The following SYT17 variants were observed in gnomAD, a reference collection of about 807,000 sequenced individuals.
SYT17 encodes synaptotagmin-17.
A neutral mutation model predicts 46.7 loss-of-function variants in SYT17; 22 were observed. The observed-to-expected ratio is 0.47, with a 90% CI of 0.34 to 0.67. SYT17 has a LOEUF of 0.67. SYT17 is among the 30% of genes least tolerant of loss of function. SYT17 has a pLI of 0.01. For synonymous variants in SYT17, 251 were observed against 248.4 expected (o/e 1.01, Z -0.10); for missense variants, 519 against 612.8 (o/e 0.85, Z 1.62).
At chr16:19,256,262 C>A (rs1968551453) in intron 7 of SYT17, among the ~76,000 whole-genome samples, 1 of 151,888 alleles carries the variant, frequency 6.6e-6, no homozygotes, top group Non-Finnish European at 1.5e-5. Context: ...CTTGACTGAA[C>A]AGGGAGCCAC....
chr16:19,183,720 C>T lies in SYT17; in HGVS notation c.524C>T (p.Thr175Ile). The T allele has an allele frequency of 6.2e-7, 1 of 1,614,236 alleles. No individual in the cohort carries two copies. Among genetic ancestry groups the T allele is most frequent in the Non-Finnish European group, 8.5e-7 (1 of 1,180,042 alleles). ...AACAGCGACGATGTGGACTCTCTGA[C>T]AGACGAGGAGATCCTGTCCAAGTAC... ...DSNSDDVDSL[T>I]DEEILSKYQL... The change falls in exon 5 of 8, where the codon ACA (threonine) becomes ATA (isoleucine). Residue 175 changes from threonine (T) to isoleucine (I), a missense_variant. Coordinates refer to ENST00000355377, the MANE Select transcript of SYT17 (RefSeq NM_016524.4). This position sits in a 1 kb window ranked among gnomAD's most constrained non-coding sequence, Gnocchi z 5.6.
chr16:19,180,527 C>T lies in SYT17; in HGVS notation c.319C>T (p.Arg107Trp), dbSNP rs780516536. Residue 107 changes from arginine (R) to tryptophan (W), a missense_variant, in exon 4 of 8, where the codon CGG becomes TGG. Arg to Trp is a moderately radical substitution (Grantham distance 101). Coordinates refer to ENST00000355377, the MANE Select transcript of SYT17 (RefSeq NM_016524.4). Reference protein sequence around the residue: ...DTSKSTYSLTRRISSLESRRP... With the variant: ...DTSKSTYSLTWRISSLESRRP... ...ATCCAAGTCTACATACAGCCTGACG[C>T]GGAGGATTTCGAGTAAGTATCTCTG... The T allele has an allele frequency of 1.4e-5, 22 of 1,613,960 alleles. No homozygotes were observed. The highest frequency in any genetic ancestry group is 2.2e-5 in the East Asian group (1 of 44,882).
intron 7 of SYT17, among the ~76,000 whole-genome samples, chr16:19,251,496 T>C (rs554365426): frequency 1.3e-5 from 2 of 152,306 alleles, no homozygotes; most frequent in Admixed American, 1.3e-4. Context: ...AGGTCTGTGG[T>C]GTGTGTCTGA....
chr16:19,174,985 C>T (rs1405952365), intron 3 of SYT17, among the ~76,000 whole-genome samples: 5 of 151,898 alleles, frequency 3.3e-5, no homozygotes, highest in African/African-American at 7.3e-5. Context: ...AAAAATTAGC[C>T]GGATGTGGTG....
At chr16:19,180,586 C>G in intron 4 of SYT17, 47 bp downstream of exon 4, 1 of 1,609,628 alleles carries the variant, frequency 6.2e-7, no homozygotes, top group Non-Finnish European at 8.5e-7. Flanking sequence ...CTGGCTTTCC[C>G]AGACACTCTC....
intron 5 of SYT17, among the ~76,000 whole-genome samples, chr16:19,217,546 T>A (rs1326474351): frequency 1.3e-5 from 2 of 152,234 alleles, no homozygotes; most frequent in African/African-American, 4.8e-5. Flanking sequence ...ATTGTTTTTA[T>A]GAATGAATAA....
chr16:19,243,819 CAA>C (rs760219447), intron 7 of SYT17, among the ~76,000 whole-genome samples: 1,074 of 56,866 alleles, frequency 0.019, 27 homozygotes, highest in Admixed American at 0.076. Context: ...AAAACTCCAT[CAA>C]AAAAAAAAAA....
intron 7 of SYT17, among the ~76,000 whole-genome samples, chr16:19,242,606 C>T (rs1317532097): frequency 6.6e-6 from 1 of 152,082 alleles, no homozygotes; most frequent in South Asian, 2.1e-4. Context: ...CTCACTGCAG[C>T]CTCGACCTCC....
intron 3 of SYT17, 48 bp downstream of exon 3, chr16:19,173,626 T>C (rs745411700): frequency 6.3e-7 from 1 of 1,594,888 alleles, no homozygotes; most frequent in Non-Finnish European, 8.6e-7. Flanking sequence ...TCAAGACTTT[T>C]CCTTTTTAAT....
chr16:19,201,743 A>C (rs1965475528), intron 5 of SYT17, among the ~76,000 whole-genome samples: 1 of 151,566 alleles, frequency 6.6e-6, no homozygotes, highest in African/African-American at 2.4e-5. Context: ...TGGGTAAGGG[A>C]GTAGGCTTTA....
Position 19,168,667 on chromosome 16 carries a change from G to T in SYT17, c.15+6G>T, listed in dbSNP as rs907412498. ...CGAAAATGGCGTACATCCAGGTAGG[G>T]CTGAGGCTGGGGGCAAGGTCCGGGG... is the stretch of plus-strand genomic sequence containing the variant. On this transcript the variant is annotated splice_donor_region_variant and intron_variant, in intron 1 of 7. Transcript: ENST00000355377. This position sits in a 1 kb window ranked among gnomAD's most constrained non-coding sequence, Gnocchi z 6.9. 13 of 1,520,568 alleles carry T rather than the reference G, an allele frequency of 8.5e-6. No homozygotes were observed. Among genetic ancestry groups the T allele is most frequent in the Non-Finnish European group, 1.1e-5 (13 of 1,131,944 alleles). 94.2% of individuals were successfully genotyped at this position (1,520,568 alleles called of 1,614,324 possible).
intron 7 of SYT17, among the ~76,000 whole-genome samples, chr16:19,256,103 A>G (rs1412115254): frequency 6.6e-6 from 1 of 152,338 alleles, no homozygotes; most frequent in South Asian, 2.1e-4. Context: ...TACAAACCTC[A>G]TAGATTTGTT....
At chr16:19,213,254 G>T (rs565477351) in intron 5 of SYT17, among the ~76,000 whole-genome samples, 1 of 152,190 alleles carries the variant, frequency 6.6e-6, no homozygotes, top group African/African-American at 2.4e-5. Flanking sequence ...TATCCCTAAC[G>T]TAGCTTGTCC....
chr16:19,232,071 G>T (rs1052478776), intron 7 of SYT17, among the ~76,000 whole-genome samples: 1 of 152,140 alleles, frequency 6.6e-6, no homozygotes, highest in Admixed American at 6.5e-5. Context: ...CTCCCGCCCC[G>T]GAAGAGAAAT....
At chr16:19,241,979 C>T (rs918697122) in intron 7 of SYT17, among the ~76,000 whole-genome samples, 1 of 151,454 alleles carries the variant, frequency 6.6e-6, no homozygotes, top group Non-Finnish European at 1.5e-5. Context: ...GTCATTATTG[C>T]CCTTTTATGG....
intron 1 of SYT17, chr16:19,170,117 G>A (rs1964024581): frequency 1.3e-5 from 2 of 152,136 alleles, no homozygotes; most frequent in Non-Finnish European, 1.5e-5. Context: ...CCTGTAAAGT[G>A]CCAGATACTA....
At chr16:19,244,896 T>C (rs1967419376) in intron 7 of SYT17, among the ~76,000 whole-genome samples, 1 of 152,194 alleles carries the variant, frequency 6.6e-6, no homozygotes, top group South Asian at 2.1e-4. Flanking sequence ...GCTGAAACTC[T>C]GAAGGAGAGG....
chr16:19,200,259 G>A (rs1230685807), intron 5 of SYT17, among the ~76,000 whole-genome samples: 1 of 152,080 alleles, frequency 6.6e-6, no homozygotes, highest in African/African-American at 2.4e-5. Flanking sequence ...CATATACATG[G>A]GCCCATATAC....
At chr16:19,198,810 A>T (rs369307880) in intron 5 of SYT17, among the ~76,000 whole-genome samples, 1 of 152,268 alleles carries the variant, frequency 6.6e-6, no homozygotes, top group African/African-American at 2.4e-5. Context: ...CCTACTGGTA[A>T]CACTAAATAA....
Sources: allele counts gnomAD v4.1 joint callset (sites outside exome capture counted in the v4.1 genomes callset), GRCh38; gene constraint gnomAD v4.1.1; non-coding constraint Gnocchi (gnomAD v3.1); transcripts MANE v1.5; gene names NCBI Gene and HGNC (gene_info 2026-07-23, HGNC 2026-07-21).